Variants in JADE3 observed in about 807,000 individuals in gnomAD.
JADE3 encodes protein Jade-3.
Under a neutral mutation model 50.1 loss-of-function variants are expected in JADE3, and 2 were observed. That is an observed-to-expected ratio of 0.04 (90% CI 0.02 to 0.13). The LOEUF is 0.13. Ranked by LOEUF, JADE3 falls within the 10% of genes least tolerant of loss-of-function variation. JADE3 has a pLI of 1.00. For synonymous variants in JADE3, 218 were observed against 232.9 expected (o/e 0.94, Z 0.58); for missense variants, 475 against 634.4 (o/e 0.75, Z 2.70).
intron 1 of JADE3, among the ~76,000 whole-genome samples, chrX:46,949,523 C>T (rs1292662948): frequency 9.0e-6 from 1 of 111,628 alleles, no homozygotes; most frequent in African/African-American, 3.3e-5. Flanking sequence ...GTTGATGTTT[C>T]GAATTTTAGC....
At chrX:46,959,327 A>T (rs1170533661) in intron 1 of JADE3, among the ~76,000 whole-genome samples, 1 of 112,209 alleles carries the variant, frequency 8.9e-6, no homozygotes, top group Non-Finnish European at 1.9e-5. Context: ...TGACTTGTCG[A>T]CCTAGCTTAG....
At chrX:46,932,322 A>G (rs1265247492) in intron 1 of JADE3, among the ~76,000 whole-genome samples, 16 of 111,988 alleles carry the variant, frequency 1.4e-4, no homozygotes, top group African/African-American at 4.5e-4. Context: ...TAACTTATAG[A>G]TTTTTGCCTG....
chrX:46,942,263 G>A lies in JADE3; in HGVS notation c.-12+29544G>A, dbSNP rs193153436. ...TGGTTTTGTTGCAGTTGCTTTTGAA[G>A]ACTTAACCATAAATTCTTTGGCAAG... is the stretch of plus-strand genomic sequence containing the variant. On this transcript the variant is annotated intron_variant, in intron 1 of 10. Transcript: ENST00000614628. 2.1e-4 allele frequency among the ~76,000 whole-genome samples: 24 copies of A among 111,655 alleles called. No homozygotes were observed. The East Asian group carries it at 5.3e-3, about 25-fold the overall frequency.
intron 4 of JADE3, among the ~76,000 whole-genome samples, chrX:47,009,955 ATT>A (rs1928520070): frequency 1.0e-5 from 1 of 97,379 alleles, no homozygotes; most frequent in African/African-American, 4.4e-5. Context: ...AAATAAAAAG[ATT>A]TTTTTGGCCG....
At chrX:47,021,607 C>T (rs968734862) in intron 4 of JADE3, among the ~76,000 whole-genome samples, 1 of 111,607 alleles carries the variant, frequency 9.0e-6, no homozygotes, top group Non-Finnish European at 1.9e-5. Flanking sequence ...TTAGTATTTT[C>T]AATTTTTGGA....
chrX:47,030,878 C>T (rs1250507355), intron 6 of JADE3, among the ~76,000 whole-genome samples: 3 of 110,549 alleles, frequency 2.7e-5, no homozygotes, highest in African/African-American at 6.6e-5. Flanking sequence ...GGTGAAACCC[C>T]GTCTCTATTA....
intron 4 of JADE3, among the ~76,000 whole-genome samples, chrX:47,017,555 A>G (rs1282331550): frequency 4.5e-5 from 5 of 112,112 alleles, no homozygotes; most frequent in African/African-American, 1.6e-4. Context: ...TGTTTTTAAA[A>G]TTACGGATGA....
intron 8 of JADE3, among the ~76,000 whole-genome samples, chrX:47,040,536 G>C (rs782193826): frequency 1.3e-4 from 14 of 111,463 alleles, no homozygotes; most frequent in Non-Finnish European, 2.6e-4. Flanking sequence ...CAAGCTCAGG[G>C]CTCCCACTGA....
At chrX:47,042,669 A>G (rs782027488) in intron 8 of JADE3, among the ~76,000 whole-genome samples, 17 of 112,096 alleles carry the variant, frequency 1.5e-4, no homozygotes, top group Middle Eastern at 4.6e-3. Context: ...CTTGGGTGCC[A>G]GCTCAGCCAC....
intron 1 of JADE3, among the ~76,000 whole-genome samples, chrX:46,916,225 C>T (rs1556336311): frequency 1.8e-5 from 2 of 112,530 alleles, no homozygotes. Context: ...AAAGAACTCA[C>T]TATATTCCCA....
At chrX:46,965,832 G>A (rs1381542996) in intron 1 of JADE3, among the ~76,000 whole-genome samples, 2 of 111,574 alleles carry the variant, frequency 1.8e-5, no homozygotes, top group South Asian at 3.7e-4. Flanking sequence ...TGTTGGCCTT[G>A]ATGAGGACCT....
intron 8 of JADE3, among the ~76,000 whole-genome samples, chrX:47,043,035 A>G (rs1368253783): frequency 5.4e-5 from 6 of 111,833 alleles, no homozygotes; most frequent in African/African-American, 2.0e-4. Context: ...GAGGGAAGTA[A>G]GGGAGAAGAA....
chrX:47,040,924 A>G (rs1307915741), intron 8 of JADE3, among the ~76,000 whole-genome samples: 16 of 112,088 alleles, frequency 1.4e-4, no homozygotes, highest in African/African-American at 5.2e-4. Flanking sequence ...TAATTTTTTG[A>G]ATTCATTCTT....
chrX:47,058,998 A>G lies in JADE3; in HGVS notation c.2393A>G (p.Asn798Ser), dbSNP rs140898718. 43 of 1,207,633 alleles carry G rather than the reference A, an allele frequency of 3.6e-5. No homozygotes were observed. Among genetic ancestry groups the G allele is most frequent in the Non-Finnish European group, 4.7e-5 (42 of 894,188 alleles). Residue 798 changes from asparagine to serine, a missense_variant, in exon 11 of 11, where the codon AAT becomes AGT. Transcript: ENST00000614628. ...AGGAAAGATAGCTCAGACAGGGAAA[A>G]TCCTCCCCATGACTCTAGACGGGAT... ...RVRKDSSDRE[N>S]PPHDSRRDCH...
chrX:47,054,721 A>G (rs1929599347), intron 9 of JADE3, 93 bp downstream of exon 9: 2 of 511,394 alleles, frequency 3.9e-6, no homozygotes, highest in African/African-American at 2.4e-5. Context: ...TCAGCTCATA[A>G]TAGTGTGGGC....
chrX:46,928,761 GGTTTTGTTTTGTTTT>G (rs781885491), intron 1 of JADE3, among the ~76,000 whole-genome samples: 1 of 110,273 alleles, frequency 9.1e-6, no homozygotes, highest in African/African-American at 3.3e-5. Flanking sequence ...TTAAATGGTG[GGTTTTGTTTTGTTTT>G]GTTTTGTTTT....
intron 1 of JADE3, among the ~76,000 whole-genome samples, chrX:46,933,526 C>G (rs1926539919): frequency 8.9e-6 from 1 of 111,967 alleles, no homozygotes; most frequent in Non-Finnish European, 1.9e-5. Flanking sequence ...TTGAAAGAAG[C>G]ATGAAACATC....
chrX:46,938,500 C>G (rs782558365), intron 1 of JADE3, among the ~76,000 whole-genome samples: 3 of 111,955 alleles, frequency 2.7e-5, no homozygotes, highest in Non-Finnish European at 1.9e-5. Context: ...TATATTACAC[C>G]TATACCTGTT....
At chrX:46,940,520 G>C (rs1455069392) in intron 1 of JADE3, among the ~76,000 whole-genome samples, 1 of 111,610 alleles carries the variant, frequency 9.0e-6, no homozygotes, top group African/African-American at 3.3e-5. Flanking sequence ...CTTTTTATAG[G>C]TCTAGTTAGT....
Sources: allele counts gnomAD v4.1 joint callset (sites outside exome capture counted in the v4.1 genomes callset), GRCh38; gene constraint gnomAD v4.1.1; transcripts MANE v1.5; gene names NCBI Gene and HGNC (gene_info 2026-07-23, HGNC 2026-07-21).